Variants in RERE observed in about 807,000 individuals in gnomAD.
RERE encodes arginine-glutamic acid dipeptide repeats.
In RERE, 40 loss-of-function variants were observed where a neutral mutation model predicts 146.1. That is an observed-to-expected ratio of 0.27 (90% CI 0.21 to 0.36). The LOEUF is 0.36. Among genes scored for constraint, RERE ranks in the 10% least tolerant of loss-of-function variants. RERE has a pLI of 1.00. For synonymous variants in RERE, 1,003 were observed against 866.0 expected, an observed-to-expected ratio of 1.16 and a Z score of -2.78; for missense variants, 1,933 against 2,138.7, an observed-to-expected ratio of 0.90 and a Z score of 1.90.
At chr1:8,539,525 C>T (rs1570410275) in intron 7 of RERE, among the ~76,000 whole-genome samples, 1 of 152,250 alleles carries the variant, frequency 6.6e-6, no homozygotes, top group African/African-American at 2.4e-5. Context: ...CCTGCCTCAG[C>T]CTCCAGAGAA....
At chr1:8,617,045 G>T (rs1030602287) in intron 3 of RERE, among the ~76,000 whole-genome samples, 4 of 152,000 alleles carry the variant, frequency 2.6e-5, no homozygotes, top group African/African-American at 9.7e-5. Flanking sequence ...CCAAACTCAG[G>T]GCTAAAGAAT....
chr1:8,490,065 A>C (rs990816354), intron 10 of RERE, among the ~76,000 whole-genome samples: 45 of 150,526 alleles, frequency 3.0e-4, no homozygotes, highest in Non-Finnish European at 5.8e-4. Context: ...AAAAAAAAAA[A>C]AAAACCTGTT....
intron 1 of RERE, among the ~76,000 whole-genome samples, chr1:8,732,140 A>G (rs910782498): frequency 6.6e-6 from 1 of 152,196 alleles, no homozygotes; most frequent in Non-Finnish European, 1.5e-5. Context: ...ACAATCCCAC[A>G]ATCGTGCCCC....
intron 6 of RERE, among the ~76,000 whole-genome samples, chr1:8,547,858 T>C (rs1053798620): frequency 5.3e-5 from 8 of 152,176 alleles, no homozygotes; most frequent in Non-Finnish European, 4.4e-5. Context: ...CCCACTATTA[T>C]AAATGCACCC....
chr1:8,770,770 C>A (rs1027606668), intron 1 of RERE, among the ~76,000 whole-genome samples: 3 of 152,170 alleles, frequency 2.0e-5, no homozygotes, highest in African/African-American at 4.8e-5. Flanking sequence ...ATCAGTAACT[C>A]TATTTTTAGG....
At chr1:8,795,716 C>T (rs1408469428) in intron 1 of RERE, among the ~76,000 whole-genome samples, 2 of 152,152 alleles carry the variant, frequency 1.3e-5, no homozygotes, top group African/African-American at 4.8e-5. Context: ...GGCACAGTGG[C>T]TCACGCCTGT....
At chr1:8,721,696 C>T (rs1323872470) in intron 1 of RERE, among the ~76,000 whole-genome samples, 2 of 152,174 alleles carry the variant, frequency 1.3e-5, no homozygotes, top group East Asian at 1.9e-4. Context: ...CTCACACCTG[C>T]TTTCTCTCTG....
At chr1:8,745,740 C>A (rs1360194015) in intron 1 of RERE, among the ~76,000 whole-genome samples, 2 of 152,150 alleles carry the variant, frequency 1.3e-5, no homozygotes, top group South Asian at 2.1e-4. Context: ...TTTTCCACCC[C>A]CTAACATATA....
At chr1:8,426,203 C>G (rs915409876) in intron 11 of RERE, among the ~76,000 whole-genome samples, 5 of 152,148 alleles carry the variant, frequency 3.3e-5, no homozygotes, top group Admixed American at 2.0e-4. Context: ...GCCTGTAATC[C>G]TAGCACTTTG....
rs200477297 is a variant in RERE at position 8,362,777 on chromosome 1, T to A, written c.1808A>T (p.Asn603Ile). 1 of 1,614,208 alleles carries A rather than the reference T, an allele frequency of 6.2e-7. No individual in the cohort carries two copies. The highest frequency in any genetic ancestry group is 1.7e-5 in the Admixed American group (1 of 60,030). ...ASPDGRTSPI[N>I]EDIRSSGRNS... ...CCGGCCGCTGGAGCGGATGTCTTCA[T>A]TGATGGGTGAGGTGCGACCATCAGG... Residue 603 changes from asparagine (N) to isoleucine (I), a missense_variant, in exon 16 of 23, where the codon AAT becomes ATT. Asn to Ile is a moderately radical substitution (Grantham distance 149, BLOSUM62 -3). Coordinates refer to ENST00000400908, the MANE Select transcript of RERE (RefSeq NM_001042681.2).
chr1:8,647,292 G>A (rs1647358379), intron 2 of RERE, among the ~76,000 whole-genome samples: 1 of 152,146 alleles, frequency 6.6e-6, no homozygotes, highest in Non-Finnish European at 1.5e-5. Context: ...TGTGCAGATA[G>A]GCAACTAGGT....
intron 10 of RERE, among the ~76,000 whole-genome samples, chr1:8,466,446 C>T (rs1484143245): frequency 2.6e-5 from 4 of 152,060 alleles, no homozygotes; most frequent in African/African-American, 9.7e-5. Flanking sequence ...AACTGAGGCA[C>T]AGAAAGATCA....
At chr1:8,664,750 C>A (rs1443061278) in intron 1 of RERE, among the ~76,000 whole-genome samples, 1 of 152,116 alleles carries the variant, frequency 6.6e-6, no homozygotes, top group Non-Finnish European at 1.5e-5. Flanking sequence ...ACTTATACCT[C>A]CAAACACCTC....
At chr1:8,613,104 C>T (rs1355727591) in intron 4 of RERE, among the ~76,000 whole-genome samples, 2 of 152,186 alleles carry the variant, frequency 1.3e-5, no homozygotes, top group East Asian at 1.9e-4. Context: ...CCATGAATGG[C>T]GGCCCTAGCC....
intron 4 of RERE, among the ~76,000 whole-genome samples, chr1:8,587,545 ACAGTT>A (rs1393433222): frequency 1.3e-5 from 2 of 152,126 alleles, no homozygotes; most frequent in Non-Finnish European, 2.9e-5. Context: ...GACCCCTCAT[ACAGTT>A]CATGTGAACT....
At chr1:8,685,536 A>G (rs757447063) in intron 1 of RERE, among the ~76,000 whole-genome samples, 6 of 152,202 alleles carry the variant, frequency 3.9e-5, no homozygotes, top group Non-Finnish European at 4.4e-5. Flanking sequence ...CCTGGCTAAC[A>G]CGGTGAAACC....
intron 12 of RERE, among the ~76,000 whole-genome samples, chr1:8,402,891 T>A (rs572855022): frequency 6.6e-6 from 1 of 152,270 alleles, no homozygotes; most frequent in East Asian, 1.9e-4. Context: ...TTCAAACCAA[T>A]GATCCAGTTT....
chr1:8,628,663 G>A (rs1191243921), intron 2 of RERE, among the ~76,000 whole-genome samples: 1 of 152,086 alleles, frequency 6.6e-6, no homozygotes, highest in Non-Finnish European at 1.5e-5. Flanking sequence ...TAATCAAGCA[G>A]CTATTTAAGA....
intron 1 of RERE, among the ~76,000 whole-genome samples, chr1:8,730,383 C>T (rs1168149813): frequency 6.6e-6 from 1 of 152,154 alleles, no homozygotes; most frequent in Non-Finnish European, 1.5e-5. Flanking sequence ...CGCTCTGTTG[C>T]CCAGGCTGGA....
Sources: gnomAD v4.1 joint callset for allele counts (sites outside exome capture counted in the v4.1 genomes callset) on GRCh38, gnomAD v4.1.1 for gene constraint, MANE v1.5 for transcripts, NCBI Gene and HGNC (gene_info 2026-07-23, HGNC 2026-07-21) for gene names.